MGAT5: variants seen among roughly 807,000 people sequenced by gnomAD.
The protein encoded by MGAT5 is alpha-1,6-mannosylglycoprotein 6-beta-N-acetylglucosaminyltransferase A.
A neutral mutation model predicts 94.3 loss-of-function variants in MGAT5; 30 were observed. That is an observed-to-expected ratio of 0.32 (90% confidence interval 0.24 to 0.43). The LOEUF (loss-of-function observed/expected upper bound fraction) is 0.43, where lower values mean the gene tolerates loss of function less well. Among genes scored for constraint, MGAT5 ranks in the 20% least tolerant of loss-of-function variants. The pLI is 1.00. For synonymous variants in MGAT5, 310 were observed against 322.9 expected (o/e 0.96, Z 0.43); for missense variants, 691 against 905.5 (o/e 0.76, Z 3.04).
At chr2:134,350,347 A>T (rs1679302776) in intron 9 of MGAT5, among the ~76,000 whole-genome samples, 1 of 152,160 alleles carries the variant, frequency 6.6e-6, no homozygotes, top group African/African-American at 2.4e-5. Flanking sequence ...TTAAACCTTA[A>T]TTATTTAAGC....
intron 11 of MGAT5, among the ~76,000 whole-genome samples, chr2:134,408,056 T>A (rs1683443939): frequency 6.6e-6 from 1 of 152,200 alleles, no homozygotes; most frequent in Admixed American, 6.5e-5. Flanking sequence ...AATCCAATGA[T>A]CTTGGTACTG....
At chr2:134,308,893 C>G (rs147859184) in intron 2 of MGAT5, among the ~76,000 whole-genome samples, 1 of 152,062 alleles carries the variant, frequency 6.6e-6, no homozygotes, top group Admixed American at 6.6e-5. Flanking sequence ...ATAATTAGTT[C>G]GATGTGGCTT....
chr2:134,325,146 CATTTAT>C (rs1014727722), intron 4 of MGAT5, among the ~76,000 whole-genome samples: 3 of 151,976 alleles, frequency 2.0e-5, no homozygotes, highest in African/African-American at 7.2e-5. Flanking sequence ...TATACCACAA[CATTTAT>C]ATTTAGACTT....
At chr2:134,239,711 A>G (rs544745685) in intron 1 of MGAT5, among the ~76,000 whole-genome samples, 11 of 152,008 alleles carry the variant, frequency 7.2e-5, no homozygotes, top group Admixed American at 3.9e-4. Context: ...GAGGATGTGG[A>G]TGGATCTAGG....
rs538988338 is a variant in MGAT5, at chr2:134,203,880, A to G, written c.-142-50382A>G. 3.3e-5 allele frequency among the ~76,000 whole-genome samples: 5 copies of G among 152,140 alleles called. 1 individual carries two copies. Among genetic ancestry groups the G allele is most frequent in the South Asian group, 2.1e-4 (1 of 4,822 alleles). On this transcript the variant is annotated intron_variant, in intron 1 of 16. Transcript: ENST00000409645. ...TGGCCTCACACCTCTCTGGACATTC[A>G]TTTCTTCACCTGAAAAATGTGATGG... is the stretch of plus-strand genomic sequence containing the variant.
intron 10 of MGAT5, among the ~76,000 whole-genome samples, chr2:134,388,527 G>A (rs978519205): frequency 6.6e-6 from 1 of 151,854 alleles, no homozygotes; most frequent in African/African-American, 2.4e-5. Context: ...TTCTTAGATT[G>A]TCTCGATTTT....
chr2:134,189,509 C>T (rs1484985120), intron 1 of MGAT5, among the ~76,000 whole-genome samples: 1 of 151,180 alleles, frequency 6.6e-6, no homozygotes, highest in Non-Finnish European at 1.5e-5. Context: ...CAGCTCTTTT[C>T]TCATGTTGGT....
chr2:134,411,211 A>T (rs62170200), intron 11 of MGAT5, among the ~76,000 whole-genome samples: 22,334 of 152,148 alleles, frequency 0.15, 1,716 homozygotes, highest in Middle Eastern at 0.16. Flanking sequence ...TAGCTGTATA[A>T]TAAGAGTAAG....
At position 134,284,515 on chromosome 2, in the gene MGAT5, T is replaced by A. The variant is rs117047681; in HGVS notation, c.406+13965T>A. On this transcript the variant is annotated intron_variant, in intron 2 of 15. Coordinates refer to ENST00000281923, the MANE Select transcript of MGAT5 (RefSeq NM_002410.5). Reference sequence around the variant, plus strand: ...CCTAAATGAATGGTGCTGTCTGGAATGCAGTACATAGTCTGCATGCAACCC... The same window carrying A: ...CCTAAATGAATGGTGCTGTCTGGAAAGCAGTACATAGTCTGCATGCAACCC... 1.4e-3 allele frequency among the ~76,000 whole-genome samples: 216 copies of A among 152,114 alleles called. 2 individuals are homozygous for A. Among genetic ancestry groups the A allele is most frequent in the East Asian group, 0.01 (54 of 5,176 alleles).
At chr2:134,275,588 T>G (rs1684309777) in intron 2 of MGAT5, among the ~76,000 whole-genome samples, 1 of 142,154 alleles carries the variant, frequency 7.0e-6, no homozygotes, top group Non-Finnish European at 1.5e-5. Flanking sequence ...CTTTTTTTTT[T>G]TTTTTTTTTT....
intron 1 of MGAT5, among the ~76,000 whole-genome samples, chr2:134,201,333 C>G (rs940708113): frequency 2.0e-5 from 3 of 152,006 alleles, no homozygotes; most frequent in Non-Finnish European, 4.4e-5. Context: ...AGCTGGTGGA[C>G]TGGAGTATGG....
chr2:134,418,339 C>G (rs1684092434), intron 12 of MGAT5, among the ~76,000 whole-genome samples: 1 of 152,160 alleles, frequency 6.6e-6, no homozygotes, highest in Non-Finnish European at 1.5e-5. Flanking sequence ...GTCCCTTCAA[C>G]CCTTCAGATG....
At chr2:134,431,842 A>T (rs541773680) in intron 14 of MGAT5, among the ~76,000 whole-genome samples, 1 of 152,312 alleles carries the variant, frequency 6.6e-6, no homozygotes, top group South Asian at 2.1e-4. Context: ...GCAGTTGAGC[A>T]GTCGCCAGCA....
intron 13 of MGAT5, among the ~76,000 whole-genome samples, 179 bp from the exon 14 acceptor site, chr2:134,428,186 G>T (rs769534068): frequency 6.6e-6 from 1 of 152,210 alleles, no homozygotes; most frequent in Non-Finnish European, 1.5e-5. Flanking sequence ...CAAGTCATTT[G>T]CTCAGAGTCC....
intron 1 of MGAT5, among the ~76,000 whole-genome samples, chr2:134,269,502 C>G (rs1309889238): frequency 6.6e-6 from 1 of 152,164 alleles, no homozygotes; most frequent in South Asian, 2.1e-4. Flanking sequence ...ATGCAGTCAC[C>G]CATCTGCTTT....
intron 14 of MGAT5, among the ~76,000 whole-genome samples, chr2:134,430,435 C>A (rs1684817919): frequency 1.3e-5 from 2 of 152,196 alleles, no homozygotes; most frequent in South Asian, 2.1e-4. Flanking sequence ...AATGCAGAGG[C>A]TCCACCTGGC....
intron 10 of MGAT5, among the ~76,000 whole-genome samples, chr2:134,394,607 A>G (rs1007720624): frequency 2.6e-5 from 4 of 152,172 alleles, no homozygotes; most frequent in African/African-American, 7.2e-5. Context: ...ATTACTTTAT[A>G]TTTTTCATAT....
intron 12 of MGAT5, among the ~76,000 whole-genome samples, chr2:134,416,485 T>TTTTTTTTTTTTTTTTTTG (rs1558870796): frequency 1.3e-5 from 2 of 151,892 alleles, no homozygotes; most frequent in South Asian, 2.1e-4. Flanking sequence ...TTTTTTTTTT[T>TTTTTTTTTTTTTTTTTTG]GGAGACCGGG....
chr2:134,344,121 A>T (rs945729537), intron 7 of MGAT5, among the ~76,000 whole-genome samples: 1 of 152,194 alleles, frequency 6.6e-6, no homozygotes. Flanking sequence ...GCAGATAAGC[A>T]ACAGTGGTGA....
Sources: allele counts gnomAD v4.1 joint callset (sites outside exome capture counted in the v4.1 genomes callset), GRCh38; gene constraint gnomAD v4.1.1; transcripts MANE v1.5; gene names NCBI Gene and HGNC (gene_info 2026-07-23, HGNC 2026-07-21).